The following ANXA13 variants were observed in gnomAD, a reference collection of about 807,000 sequenced individuals.
ANXA13 encodes the protein annexin XIII.
A neutral mutation model predicts 46.6 loss-of-function variants in ANXA13; 36 were observed. The observed-to-expected ratio is 0.77, with a 90% CI of 0.59 to 1.02. ANXA13 has a LOEUF of 1.02. ANXA13 is among the 50% of genes least tolerant of loss of function. ANXA13 has a pLI of 0.00. For synonymous variants in ANXA13, 163 were observed against 152.9 expected (o/e 1.07, Z -0.49); for missense variants, 417 against 396.5 (o/e 1.05, Z -0.44).
In ANXA13 at chr8:123,693,185, T is replaced by A; in HGVS notation, c.642+12A>T. On this transcript the variant is annotated intron_variant, in intron 8 of 10. Transcript: ENST00000419625. Reference sequence around the variant, plus strand: ...AGAGTGAACTCTTTTGCCCCAATACTTTATGACTTACAATTTGATAGGCTT... The same window carrying A: ...AGAGTGAACTCTTTTGCCCCAATACATTATGACTTACAATTTGATAGGCTT... 1 of 1,612,498 alleles carries A rather than the reference T, an allele frequency of 6.2e-7. No individual in the cohort carries two copies. Among genetic ancestry groups the A allele is most frequent in the Non-Finnish European group, 8.5e-7 (1 of 1,178,620 alleles).
chr8:123,695,382 G>T, intron 6 of ANXA13, 120 bp downstream of exon 6: 1 of 769,106 alleles, frequency 1.3e-6, no homozygotes, highest in Non-Finnish European at 2.2e-6. Flanking sequence ...ATAATCCCTT[G>T]ATAATATTTT....
At chr8:123,720,657 C>CGTGT (rs34135339) in intron 1 of ANXA13, among the ~76,000 whole-genome samples, 37,703 of 141,240 alleles carry the variant, frequency 0.27, 5,029 homozygotes, top group Non-Finnish European at 0.3. Context: ...CCTGTGTCCC[C>CGTGT]GTGTGTGTGT....
chr8:123,731,371 T>A (rs1473420368), intron 1 of ANXA13, among the ~76,000 whole-genome samples: 1 of 152,208 alleles, frequency 6.6e-6, no homozygotes, highest in Non-Finnish European at 1.5e-5. Flanking sequence ...TAAATAGATA[T>A]AAGAATTTGA....
chr8:123,729,314 T>C (rs1287170660), intron 1 of ANXA13: 1 of 152,168 alleles, frequency 6.6e-6, no homozygotes, highest in African/African-American at 2.4e-5. Context: ...AAGCTTATTT[T>C]CAGTAGGAGA....
At chr8:123,685,459 C>G in intron 9 of ANXA13, among the ~76,000 whole-genome samples, 1 of 152,166 alleles carries the variant, frequency 6.6e-6, no homozygotes, top group South Asian at 2.1e-4. Context: ...TCTTCCCAGG[C>G]TCATATGAAT....
At chr8:123,685,381 G>T (rs968961323) in intron 9 of ANXA13, among the ~76,000 whole-genome samples, 1 of 152,044 alleles carries the variant, frequency 6.6e-6, no homozygotes, top group Non-Finnish European at 1.5e-5. Context: ...TTAATGAAGC[G>T]TGGTCTCTAT....
chr8:123,716,883 A>G (rs1433979462), intron 1 of ANXA13, among the ~76,000 whole-genome samples: 1 of 152,206 alleles, frequency 6.6e-6, no homozygotes, highest in East Asian at 1.9e-4. Flanking sequence ...TACAGTGAGA[A>G]TGCAAGTCAG....
chr8:123,688,191 T>C (rs1263271260), intron 9 of ANXA13, among the ~76,000 whole-genome samples: 1 of 152,134 alleles, frequency 6.6e-6, no homozygotes, highest in African/African-American at 2.4e-5. Flanking sequence ...TGGGAGATAA[T>C]TCAATCATGG....
At chr8:123,736,994 A>G (rs1814281779) in intron 1 of ANXA13, among the ~76,000 whole-genome samples, 1 of 150,256 alleles carries the variant, frequency 6.7e-6, no homozygotes, top group Admixed American at 6.7e-5. Flanking sequence ...GACTACAGGC[A>G]TGTTCCACCA....
intron 2 of ANXA13, among the ~76,000 whole-genome samples, chr8:123,708,546 A>G (rs1376438392): frequency 6.6e-6 from 1 of 152,110 alleles, no homozygotes; most frequent in Non-Finnish European, 1.5e-5. Flanking sequence ...GCAGTCCCTC[A>G]TTTCTCCTTT....
chr8:123,702,724 G>T lies in ANXA13; in HGVS notation c.104C>A (p.Ala35Glu). Reference protein sequence around the residue: ...KACKGMGTNEAAIIEILSGRT... With the variant: ...KACKGMGTNEEAIIEILSGRT... The stretch of plus-strand genomic sequence containing the variant: ...GCCCGATAAGATTTCAATGATGGCT[G>T]CTTCATTGGTCCCTAAAATACAGGA... The change falls in exon 3 of 11, where the codon GCA (alanine) becomes GAA (glutamate). Residue 35 changes from alanine (A) to glutamate (E), a missense_variant. Physicochemically the swap from Ala to Glu is moderately radical, Grantham distance 107. Coordinates refer to ENST00000419625, the MANE Select transcript of ANXA13 (RefSeq NM_004306.4). 2 of 1,613,406 alleles carry T rather than the reference G, an allele frequency of 1.2e-6. No individual in the cohort carries two copies. Among genetic ancestry groups the T allele is most frequent in the Admixed American group, 1.7e-5 (1 of 59,992 alleles).
intron 1 of ANXA13, among the ~76,000 whole-genome samples, chr8:123,728,945 C>T (rs1814055553): frequency 6.6e-6 from 1 of 152,070 alleles, no homozygotes; most frequent in Non-Finnish European, 1.5e-5. Flanking sequence ...TTCTCCCTTT[C>T]TATCTGATTT....
chr8:123,688,448 C>T (rs559913084), intron 9 of ANXA13, among the ~76,000 whole-genome samples: 17 of 152,086 alleles, frequency 1.1e-4, no homozygotes, highest in African/African-American at 2.7e-4. Flanking sequence ...AGCATGAAAA[C>T]GGACTAATAC....
intron 2 of ANXA13, among the ~76,000 whole-genome samples, chr8:123,708,404 G>A (rs934125621): frequency 3.3e-5 from 5 of 152,166 alleles, no homozygotes; most frequent in South Asian, 2.1e-4. Context: ...AACAGTGATC[G>A]GGGCTGTGGT....
intron 1 of ANXA13, among the ~76,000 whole-genome samples, chr8:123,714,190 TG>T (rs1245913155): frequency 1.3e-5 from 2 of 152,174 alleles, no homozygotes; most frequent in African/African-American, 2.4e-5. Flanking sequence ...CCCCATTGTG[TG>T]GCCTCACTGG....
chr8:123,681,585 C>CGT (rs1813038613), intron 10 of ANXA13, among the ~76,000 whole-genome samples: 2 of 149,780 alleles, frequency 1.3e-5, no homozygotes. Flanking sequence ...GAGGTGTCCA[C>CGT]GTGTGTGTGT....
At chr8:123,715,404 A>G (rs1813741252) in intron 1 of ANXA13, among the ~76,000 whole-genome samples, 1 of 152,234 alleles carries the variant, frequency 6.6e-6, no homozygotes, top group South Asian at 2.1e-4. Context: ...CCGAAGTATT[A>G]TGGAGTGCCC....
rs144147835 is a variant in ANXA13, at chr8:123,684,652, G to C, written c.789C>G (p.Thr263=). 4.3e-6 allele frequency: 7 copies of C among 1,613,912 alleles called. No homozygotes were observed. In the African/African-American group the frequency reaches 9.4e-5, roughly 22 times the overall value. ...RLYKSMKGAG[T]DEETLIRIVV... ...CTATGCGAATCAACGTCTCCTCATC[G>C]GTCCCCGCACCCTTCATCGACTTGT... Residue 263 remains threonine, a synonymous_variant, in exon 10 of 11, where the codon ACC becomes ACG. Transcript: ENST00000419625.
chr8:123,733,585 G>T (rs1380814076), intron 1 of ANXA13, among the ~76,000 whole-genome samples: 1 of 152,314 alleles, frequency 6.6e-6, no homozygotes, highest in East Asian at 1.9e-4. Flanking sequence ...AACTTGGCAT[G>T]TTCACAAACA....
Sources: gnomAD v4.1 joint callset for allele counts (sites outside exome capture counted in the v4.1 genomes callset) on GRCh38, gnomAD v4.1.1 for gene constraint, MANE v1.5 for transcripts, NCBI Gene and HGNC (gene_info 2026-07-23, HGNC 2026-07-21) for gene names.